MED15: variants seen among roughly 807,000 people sequenced by gnomAD.
MED15 encodes mediator complex subunit 15.
MED15 carries 41 observed loss-of-function variants against 118.7 expected under a neutral mutation model. That is an observed-to-expected ratio of 0.35 (90% CI 0.27 to 0.45). The LOEUF is 0.45. Ranked by LOEUF, MED15 falls within the 20% of genes least tolerant of loss-of-function variation. MED15 has a pLI of 1.00. For missense variants in MED15, 740 were observed against 1,025.5 expected (o/e 0.72, Z 3.80); for synonymous variants, 436 against 413.9 (o/e 1.05, Z -0.65).
intron 1 of MED15, chr22:20,519,116 G>A: frequency 3.0e-6 from 1 of 336,018 alleles, no homozygotes; most frequent in South Asian, 2.2e-5. Context: ...GCCTCCCAAA[G>A]TGCTGGGATT....
At chr22:20,577,512 G>C (rs953843863) in intron 9 of MED15, among the ~76,000 whole-genome samples, 1 of 151,502 alleles carries the variant, frequency 6.6e-6, no homozygotes, top group Non-Finnish European at 1.5e-5. Context: ...CAGCTAATAG[G>C]TCTCTCTCTC....
At chr22:20,569,344 A>G (rs1013025770) in intron 8 of MED15, among the ~76,000 whole-genome samples, 1 of 152,036 alleles carries the variant, frequency 6.6e-6, no homozygotes, top group Non-Finnish European at 1.5e-5. Flanking sequence ...TTTTCACATG[A>G]TGGTGGAAAC....
chr22:20,580,919 A>G (rs149030049), intron 9 of MED15, among the ~76,000 whole-genome samples: 1 of 152,364 alleles, frequency 6.6e-6, no homozygotes, highest in East Asian at 1.9e-4. Flanking sequence ...TCCATTAGGT[A>G]GAGTGATGAG....
chr22:20,567,551 G>A (rs1187651607), intron 7 of MED15, among the ~76,000 whole-genome samples: 1 of 152,202 alleles, frequency 6.6e-6, no homozygotes, highest in African/African-American at 2.4e-5. Context: ...AGAGTTGTGA[G>A]GAGCAGATAT....
At chr22:20,546,781 C>T (rs952969010) in intron 2 of MED15, among the ~76,000 whole-genome samples, 12 of 151,994 alleles carry the variant, frequency 7.9e-5, no homozygotes, top group South Asian at 6.2e-4. Flanking sequence ...TCTCTTGGGG[C>T]CCTCACACAA....
At chr22:20,582,494 C>A (rs1433954536) in intron 9 of MED15, 117 bp from the exon 10 acceptor site, 2 of 1,471,156 alleles carry the variant, frequency 1.4e-6, no homozygotes, top group East Asian at 2.5e-5. Context: ...TGGATGAAGA[C>A]ACAGGTGTGT....
rs165829 is a variant in MED15, at chr22:20,553,016, T to A, written c.209-129T>A. ...AGAGTAGAAACACTTCCCCCAGTAG[T>A]GGGGAGTACTAGGAGCTCCGTGGGG... is the stretch of plus-strand genomic sequence containing the variant. On this transcript the variant is annotated intron_variant, in intron 3 of 17. Transcript: ENST00000263205. 3.9e-6 allele frequency: 3 copies of A among 776,524 alleles called. No individual in the cohort carries two copies. In the African/African-American group the frequency reaches 5.3e-5, roughly 14 times the overall value. The allele number at this position is 776,524 out of a possible 1,614,324, so 48.1% of individuals were successfully genotyped here.
intron 13 of MED15, 167 bp from the exon 14 acceptor site, chr22:20,584,192 G>A (rs919975808): frequency 1.8e-5 from 12 of 671,752 alleles, no homozygotes; most frequent in Non-Finnish European, 2.9e-5. Context: ...AGCTCCTGGG[G>A]TTGAGGGCTG....
At chr22:20,582,393 C>T (rs1055042505) in intron 9 of MED15, 1 of 696,284 alleles carries the variant, frequency 1.4e-6, no homozygotes, top group Admixed American at 2.9e-5. Flanking sequence ...CAAGGGCTGC[C>T]CTGCCTGGGC....
At chr22:20,530,421 C>G (rs933848736) in intron 1 of MED15, among the ~76,000 whole-genome samples, 4 of 152,194 alleles carry the variant, frequency 2.6e-5, no homozygotes, top group Admixed American at 6.5e-5. Flanking sequence ...TCCTGCCCCC[C>G]TGAGGTCAGG....
intron 1 of MED15, 133 bp from the exon 2 acceptor site, chr22:20,536,984 C>T (rs1339377414): frequency 1.4e-6 from 1 of 705,536 alleles, no homozygotes; most frequent in Non-Finnish European, 2.3e-6. Flanking sequence ...TCTCCTGGAC[C>T]TCAGCCAGGC....
In MED15 at chr22:20,566,780, C is replaced by G; in HGVS notation, c.1004C>G (p.Pro335Arg). ...QPLVSQAQAL[P>R]GQMLYTQPPL... Reference sequence around the variant, plus strand: ...TTGGTGTCACAGGCGCAAGCTCTCCCTGGACAAATGTTGTATACCCAACCA... The same window carrying G: ...TTGGTGTCACAGGCGCAAGCTCTCCGTGGACAAATGTTGTATACCCAACCA... The change falls in exon 7 of 18, where the codon CCT becomes CGT. Residue 335 changes from proline to arginine, a missense_variant. Coordinates refer to ENST00000263205, the MANE Select transcript of MED15 (RefSeq NM_001003891.3). 2 of 1,614,230 alleles carry G rather than the reference C, an allele frequency of 1.2e-6. No homozygotes were observed. The highest frequency in any genetic ancestry group is 8.5e-7 in the Non-Finnish European group (1 of 1,180,042).
chr22:20,510,959 G>A (rs1419943071), intron 1 of MED15, among the ~76,000 whole-genome samples: 1 of 152,156 alleles, frequency 6.6e-6, no homozygotes, highest in East Asian at 1.9e-4. Flanking sequence ...CCTTCCCTAG[G>A]TGATGTGGGT....
Position 20,585,771 on chromosome 22 carries a change from G to A in MED15, c.2175G>A (p.Val725=). 1 of 1,613,470 alleles carries A rather than the reference G, an allele frequency of 6.2e-7. No individual in the cohort carries two copies. Residue 725 remains valine, a synonymous_variant, in exon 17 of 18, where the codon GTG becomes GTA. Transcript: ENST00000263205. ...LPSVPPLELS[V]PADYPAQSPL... Reference sequence around the variant, plus strand: ...GTGTGCCACCACTGGAGCTCAGTGTGCCCGCTGACTATCCTGCCCAAAGCC... The same window carrying A: ...GTGTGCCACCACTGGAGCTCAGTGTACCCGCTGACTATCCTGCCCAAAGCC...
Position 20,554,958 on chromosome 22 carries a change from C to T in MED15, c.261C>T (p.Ser87=). 1.2e-6 allele frequency: 2 copies of T among 1,608,408 alleles called. No homozygotes were observed. Residue 87 remains serine (S), a synonymous_variant, in exon 5 of 18, where the codon AGC becomes AGT. Transcript: ENST00000263205. ...SVSDPMNALQ[S]LTGGPAAGAA... is the part of the protein sequence containing the mutation. ...CAGATCCTATGAATGCACTCCAGAG[C>T]CTGACTGGCGGACCTGCTGCGGGAG...
intron 1 of MED15, 98 bp downstream of exon 1, chr22:20,507,844 G>A: frequency 1.3e-6 from 2 of 1,555,982 alleles, no homozygotes; most frequent in Non-Finnish European, 1.7e-6. Flanking sequence ...CTACGGCGCC[G>A]GGAGACAGAA....
At chr22:20,565,582 C>T (rs1172174835) in intron 6 of MED15, among the ~76,000 whole-genome samples, 2 of 152,204 alleles carry the variant, frequency 1.3e-5, no homozygotes, top group South Asian at 2.1e-4. Context: ...CAAAGGGCCC[C>T]ACCACCCTCC....
chr22:20,565,786 G>T (rs1005355293), intron 6 of MED15, among the ~76,000 whole-genome samples: 17 of 152,228 alleles, frequency 1.1e-4, no homozygotes, highest in African/African-American at 4.1e-4. Flanking sequence ...ATCTGCAGTT[G>T]CCCCAGCTTT....
chr22:20,583,667 C>A (rs1392030181), intron 13 of MED15: 4 of 466,926 alleles, frequency 8.6e-6, no homozygotes, highest in Non-Finnish European at 1.6e-5. Flanking sequence ...CAGCCAGGGG[C>A]CCAGCTTGCA....
Sources: gnomAD v4.1 joint callset for allele counts (sites outside exome capture counted in the v4.1 genomes callset) on GRCh38, gnomAD v4.1.1 for gene constraint, MANE v1.5 for transcripts, NCBI Gene and HGNC (gene_info 2026-07-23, HGNC 2026-07-21) for gene names.